Variants in PCNP observed in about 807,000 individuals in gnomAD.
The protein encoded by PCNP is PEST proteolytic signal-containing nuclear protein.
Under a neutral mutation model 21.8 loss-of-function variants are expected in PCNP, and 6 were observed. The observed-to-expected ratio is 0.28, with a 90% confidence interval of 0.15 to 0.54. PCNP has a LOEUF of 0.54. Ranked by LOEUF, PCNP falls within the 20% of genes least tolerant of loss-of-function variation. The pLI, the probability that PCNP is intolerant of heterozygous loss-of-function variation, is 0.95. For synonymous variants in PCNP, 67 were observed against 73.2 expected (o/e 0.92, Z 0.43); for missense variants, 161 against 215.5 (o/e 0.75, Z 1.58).
Position 101,574,292 on chromosome 3 carries a change from C to G in PCNP, c.64+13C>G. 2 of 1,538,736 alleles carry G rather than the reference C, an allele frequency of 1.3e-6. No individual in the cohort carries two copies. The highest frequency in any genetic ancestry group is 1.8e-6 in the Non-Finnish European group (2 of 1,138,598). The stretch of plus-strand genomic sequence containing the variant: ...GGAGCCGCCGGAGGTGAACACAACC[C>G]CAGCGTCGTGGGCAGCGTGGGATGC... On this transcript the variant is annotated intron_variant, in intron 1 of 4. Transcript: ENST00000265260.
At chr3:101,576,908 G>A in intron 1 of PCNP, 11 of 1,596,866 alleles carry the variant, frequency 6.9e-6, no homozygotes, top group South Asian at 3.3e-5. Context: ...TTGAGTACTC[G>A]CAAAATATGC....
chr3:101,579,700 T>C (rs1002392335), intron 1 of PCNP, 90 bp from the exon 2 acceptor site: 2 of 877,988 alleles, frequency 2.3e-6, no homozygotes, highest in South Asian at 1.3e-5. Flanking sequence ...AGAGGTATCT[T>C]CCTTATAACG....
intron 4 of PCNP, 83 bp from the exon 5 acceptor site, chr3:101,592,544 C>G: frequency 5.3e-6 from 6 of 1,133,544 alleles, no homozygotes; most frequent in Non-Finnish European, 2.5e-6. Flanking sequence ...AGGTGCTAAA[C>G]AAACATGTAT....
chr3:101,578,789 G>A (rs751191015), intron 1 of PCNP, among the ~76,000 whole-genome samples: 15 of 152,114 alleles, frequency 9.9e-5, no homozygotes, highest in Middle Eastern at 3.4e-3. Context: ...GTTAATCAAG[G>A]CCATCTCTTG....
In PCNP at chr3:101,574,189, G is replaced by A. The variant is rs2108266709; in HGVS notation, c.-27G>A. 3.2e-6 allele frequency: 5 copies of A among 1,547,816 alleles called. No homozygotes were observed. The South Asian group carries it at 4.8e-5, about 15-fold the overall frequency. On this transcript the variant is annotated 5_prime_UTR_variant, in exon 1 of 5. Coordinates refer to ENST00000265260, the MANE Select transcript of PCNP (RefSeq NM_020357.3). ...GCGGGGTCGTGACGTCCTTGGCGTG[G>A]CTGCAGGGGAGGCCGCGGCGGGGAA...
intron 1 of PCNP, 95 bp from the exon 2 acceptor site, chr3:101,579,695 T>C: frequency 1.2e-6 from 1 of 838,644 alleles, no homozygotes; most frequent in Non-Finnish European, 2.1e-6. Context: ...ACTGCAGAGG[T>C]ATCTTCCTTA....
At chr3:101,579,586 T>A in intron 1 of PCNP, 1 of 703,444 alleles carries the variant, frequency 1.4e-6, no homozygotes. Flanking sequence ...TATTTTATGC[T>A]AGTTAATTCA....
intron 2 of PCNP, among the ~76,000 whole-genome samples, chr3:101,584,831 T>C (rs550408397): frequency 6.8e-4 from 104 of 152,204 alleles, no homozygotes; most frequent in African/African-American, 2.3e-3. Context: ...CGAAACCTCG[T>C]CTCTACTAAA....
intron 2 of PCNP, among the ~76,000 whole-genome samples, chr3:101,581,758 G>T (rs1377450329): frequency 1.3e-5 from 2 of 150,456 alleles, no homozygotes. Flanking sequence ...TTATTTTTTT[G>T]AGACGGAGTT....
At chr3:101,592,582 G>A in intron 4 of PCNP, 45 bp from the exon 5 acceptor site, 2 of 1,492,590 alleles carry the variant, frequency 1.3e-6, no homozygotes, top group South Asian at 1.2e-5. Context: ...TAACCTGAAA[G>A]GCTTTATATA....
rs930376049 is a variant in PCNP, at chr3:101,593,888, A to T, written c.*1135A>T. 1 of 152,640 alleles carries T rather than the reference A, an allele frequency of 6.6e-6. No individual in the cohort carries two copies. The highest frequency in any genetic ancestry group is 2.4e-5 in the African/African-American group (1 of 41,456). 9.5% of individuals were successfully genotyped at this position (152,640 alleles called of 1,614,324 possible). A position where few individuals can be genotyped will look rare whatever the true frequency, so the allele number is the denominator to read the frequency against. ...AACATTTTTTGGAATCTCACCACATATACTTTGTTAGATTTGTGTATTGTA... is the reference window on the plus strand; with the variant it reads ...AACATTTTTTGGAATCTCACCACATTTACTTTGTTAGATTTGTGTATTGTA... On this transcript the variant is annotated 3_prime_UTR_variant, in exon 5 of 5. Coordinates refer to ENST00000265260, the MANE Select transcript of PCNP (RefSeq NM_020357.3).
At chr3:101,586,032 G>A (rs144998573) in intron 3 of PCNP, among the ~76,000 whole-genome samples, 116 of 152,036 alleles carry the variant, frequency 7.6e-4, no homozygotes, top group African/African-American at 2.5e-3. Flanking sequence ...TTAGACAGGC[G>A]TGGTGGCACA....
In PCNP at chr3:101,589,566, A is replaced by G. The variant is rs146736695; in HGVS notation, c.355-649A>G. Among the ~76,000 whole-genome samples, 11 of 152,128 alleles carry G rather than the reference A, an allele frequency of 7.2e-5. No homozygotes were observed. In the East Asian group the frequency reaches 2.1e-3, roughly 29 times the overall value. ...GCTGGGATTACAGGCACGCGCCACC[A>G]CACCTGGCCAATTTTTTATACTTTT... On this transcript the variant is annotated intron_variant, in intron 3 of 4. Transcript: ENST00000265260.
chr3:101,588,226 G>T (rs532014178), intron 3 of PCNP, among the ~76,000 whole-genome samples: 29 of 152,254 alleles, frequency 1.9e-4, no homozygotes, highest in Middle Eastern at 6.8e-3. Context: ...AGCCGAGATC[G>T]CGCCACTGCA....
chr3:101,574,195 G>A lies in PCNP; in HGVS notation c.-21G>A, dbSNP rs755056766. 6.5e-6 allele frequency: 10 copies of A among 1,549,256 alleles called. No individual in the cohort carries two copies. The highest frequency in any genetic ancestry group is 1.2e-5 in the South Asian group (1 of 83,828). ...TCGTGACGTCCTTGGCGTGGCTGCAGGGGAGGCCGCGGCGGGGAAAATGGC... is the reference window on the plus strand; with the variant it reads ...TCGTGACGTCCTTGGCGTGGCTGCAAGGGAGGCCGCGGCGGGGAAAATGGC... On this transcript the variant is annotated 5_prime_UTR_variant, in exon 1 of 5. Coordinates refer to ENST00000265260, the MANE Select transcript of PCNP (RefSeq NM_020357.3).
intron 3 of PCNP, among the ~76,000 whole-genome samples, chr3:101,588,175 G>A (rs1368321372): frequency 2.0e-5 from 3 of 152,190 alleles, no homozygotes; most frequent in Non-Finnish European, 2.9e-5. Flanking sequence ...GGAGGCTGAG[G>A]CAGGAGAATT....
At chr3:101,577,308 C>T (rs1934971739) in intron 1 of PCNP, among the ~76,000 whole-genome samples, 1 of 152,046 alleles carries the variant, frequency 6.6e-6, no homozygotes, top group Non-Finnish European at 1.5e-5. Flanking sequence ...ATAATCATGG[C>T]CATCTCAAGC....
In PCNP at chr3:101,590,290, A is replaced by G; in HGVS notation, c.410+20A>G. On this transcript the variant is annotated intron_variant, in intron 4 of 4. Transcript: ENST00000265260. The stretch of plus-strand genomic sequence containing the variant: ...TGGAAGGTATTATAATTTTTCATAA[A>G]TATTATAGAAAGATACAAAGGTGAA... 1 of 1,244,420 alleles carries G rather than the reference A, an allele frequency of 8.0e-7. No homozygotes were observed. Among genetic ancestry groups the G allele is most frequent in the Non-Finnish European group, 1.2e-6 (1 of 856,434 alleles). 77.1% of individuals were successfully genotyped at this position (1,244,420 alleles called of 1,614,324 possible). A position where few individuals can be genotyped will look rare whatever the true frequency, so the allele number is the denominator to read the frequency against.
chr3:101,576,613 T>C, intron 1 of PCNP: 4 of 1,611,382 alleles, frequency 2.5e-6, no homozygotes, highest in East Asian at 2.2e-5. Flanking sequence ...CTTCAGTCGC[T>C]CCAGGTCTTC....
Sources: allele counts gnomAD v4.1 joint callset (sites outside exome capture counted in the v4.1 genomes callset), GRCh38; gene constraint gnomAD v4.1.1; transcripts MANE v1.5; gene names NCBI Gene and HGNC (gene_info 2026-07-23, HGNC 2026-07-21).